CEP290: variants seen among roughly 807,000 people sequenced by gnomAD.
CEP290 encodes the protein centrosomal protein 290.
Under a neutral mutation model 344.9 loss-of-function variants are expected in CEP290, and 317 were observed. The ratio of observed to expected loss-of-function variants is 0.92; its 90% CI spans 0.84 to 1.01. CEP290 has a LOEUF of 1.01. Ranked by LOEUF, CEP290 falls within the 50% of genes least tolerant of loss-of-function variation. The pLI, the probability that CEP290 is intolerant of heterozygous loss-of-function variation, is 0.00. For missense variants in CEP290, 2,754 were observed against 2,761.4 expected (o/e 1.00, Z 0.06); for synonymous variants, 932 against 895.8 (o/e 1.04, Z -0.72).
chr12:88,118,156 A>G (rs1345180850), intron 17 of CEP290, among the ~76,000 whole-genome samples: 1 of 151,816 alleles, frequency 6.6e-6, no homozygotes, highest in East Asian at 1.9e-4. Flanking sequence ...ACTAAGTTTT[A>G]TTATTATTAA....
rs281865189 is a variant in CEP290 at position 88,049,282 on chromosome 12, GT to G, written c.7341del (p.Lys2447AsnfsTer10). 1.3e-5 allele frequency: 21 copies of G among 1,609,044 alleles called. No homozygotes were observed. Among genetic ancestry groups the G allele is most frequent in the Admixed American group, 1.7e-5 (1 of 59,826 alleles). On this transcript the variant is annotated frameshift_variant, in exon 54 of 54. Coordinates refer to ENST00000552810, the MANE Select transcript of CEP290 (RefSeq NM_025114.4). LOFTEE classifies it high-confidence loss of function. ...KNILLEEKVK[K>X]LSEQLGVELT... ...AATTCAACTCCCAATTGTTCTGAAA[GT>G]TTTTTTACCTTCTCTTCTAAGAGAA...
At chr12:88,132,396 T>C (rs1199202139) in intron 6 of CEP290, among the ~76,000 whole-genome samples, 1 of 152,190 alleles carries the variant, frequency 6.6e-6, no homozygotes, top group Non-Finnish European at 1.5e-5. Flanking sequence ...GTGGGGAGAC[T>C]GAAGGATATT....
chr12:88,106,802 A>T lies in CEP290; in HGVS notation c.2690T>A (p.Ile897Lys). Residue 897 changes from isoleucine (I) to lysine (K), a missense_variant, in exon 25 of 54, where the codon ATA becomes AAA. Transcript: ENST00000552810. ...TVLQVNEKSLIRQYTTLVELE... is the reference protein window; with the variant it reads ...TVLQVNEKSLKRQYTTLVELE... ...TTCTACTAAGGTTGTATATTGCCTT[A>T]TAAGTGATTTTTCATTCACTTGCAA... is the stretch of plus-strand genomic sequence containing the variant. 1 of 1,608,864 alleles carries T rather than the reference A, an allele frequency of 6.2e-7. No homozygotes were observed. The highest frequency in any genetic ancestry group is 8.5e-7 in the Non-Finnish European group (1 of 1,177,254).
rs758472041 is a variant in CEP290, at chr12:88,125,313, A to G, written c.1122T>C (p.Tyr374=). Residue 374 remains tyrosine, a synonymous_variant, in exon 13 of 54, where the codon TAT becomes TAC. Transcript: ENST00000552810. ...IKMLTEQVEQ[Y]TKEMEKNTCI... is the part of the protein sequence containing the mutation. ...AAGTATTCTTTTCCATTTCTTTTGT[A>G]TATTGTTCTACTTGTTCGGTGAGCA... is the stretch of plus-strand genomic sequence containing the variant. 18 of 1,271,006 alleles carry G rather than the reference A, an allele frequency of 1.4e-5. No individual in the cohort carries two copies. Among genetic ancestry groups the G allele is most frequent in the Non-Finnish European group, 1.9e-5 (18 of 961,264 alleles). 78.7% of individuals were successfully genotyped at this position (1,271,006 alleles called of 1,614,324 possible).
At chr12:88,120,889 G>C (rs767837002) in intron 14 of CEP290, 108 bp downstream of exon 14, 36 of 850,266 alleles carry the variant, frequency 4.2e-5, no homozygotes, top group Non-Finnish European at 8.9e-6. Flanking sequence ...TTTATCAAAA[G>C]ATACTTATGG....
intron 26 of CEP290, among the ~76,000 whole-genome samples, chr12:88,098,168 G>A (rs2037583539): frequency 6.6e-6 from 1 of 151,800 alleles, no homozygotes; most frequent in Non-Finnish European, 1.5e-5. Flanking sequence ...AGCCAGTCAT[G>A]ATGGCACTTG....
At chr12:88,119,504 A>C (rs1330751847) in intron 15 of CEP290, among the ~76,000 whole-genome samples, 1 of 152,190 alleles carries the variant, frequency 6.6e-6, no homozygotes, top group Admixed American at 6.5e-5. Context: ...AAAATCTTTA[A>C]AAGATTTTAA....
intron 32 of CEP290, among the ~76,000 whole-genome samples, chr12:88,087,325 T>A (rs2036656330): frequency 2.0e-5 from 3 of 152,178 alleles, no homozygotes; most frequent in Non-Finnish European, 4.4e-5. Flanking sequence ...GCTAAATAAA[T>A]ATGAATTTTT....
At chr12:88,126,173 A>G in intron 12 of CEP290, 143 bp downstream of exon 12, 1 of 553,202 alleles carries the variant, frequency 1.8e-6, no homozygotes, top group Non-Finnish European at 2.8e-6. Context: ...CAGGTGGTAG[A>G]AGAAATTTCA....
intron 5 of CEP290, among the ~76,000 whole-genome samples, chr12:88,138,862 C>T (rs1367158797): frequency 1.3e-5 from 2 of 151,952 alleles, no homozygotes; most frequent in Non-Finnish European, 2.9e-5. Flanking sequence ...TCCTCAAATC[C>T]CCACCCACCC....
At chr12:88,101,061 GA>G (rs1011695354) in intron 26 of CEP290, among the ~76,000 whole-genome samples, 17 of 152,254 alleles carry the variant, frequency 1.1e-4, no homozygotes, top group Non-Finnish European at 2.5e-4. Context: ...TGTTTAGAAT[GA>G]TCATTCTTGT....
At chr12:88,097,335 T>C (rs541673952) in intron 26 of CEP290, among the ~76,000 whole-genome samples, 1 of 151,990 alleles carries the variant, frequency 6.6e-6, no homozygotes, top group Non-Finnish European at 1.5e-5. Context: ...ATTCTCATAA[T>C]AGTAAGTTCT....
At chr12:88,094,710 T>C (rs959666256) in intron 27 of CEP290, among the ~76,000 whole-genome samples, 3 of 152,070 alleles carry the variant, frequency 2.0e-5, no homozygotes, top group Admixed American at 2.0e-4. Flanking sequence ...TTTGTAAACA[T>C]GGTCTAGAAA....
At chr12:88,121,806 C>G (rs2137934865) in intron 13 of CEP290, among the ~76,000 whole-genome samples, 1 of 152,124 alleles carries the variant, frequency 6.6e-6, no homozygotes, top group South Asian at 2.1e-4. Context: ...CACACAAATC[C>G]TGCCCTAGTT....
chr12:88,120,002 A>G, intron 15 of CEP290, 112 bp downstream of exon 15: 1 of 609,986 alleles, frequency 1.6e-6, no homozygotes, highest in Non-Finnish European at 2.6e-6. Flanking sequence ...TTATAAAAGC[A>G]TTTGAAAAAA....
At chr12:88,082,456 G>A (rs1370777935) in intron 37 of CEP290, among the ~76,000 whole-genome samples, 1 of 152,176 alleles carries the variant, frequency 6.6e-6, no homozygotes, top group Admixed American at 6.5e-5. Context: ...ACTTTGGGAG[G>A]CCGAAGTGGG....
At chr12:88,081,725 G>A (rs746782836) in intron 37 of CEP290, among the ~76,000 whole-genome samples, 3 of 151,948 alleles carry the variant, frequency 2.0e-5, no homozygotes, top group Non-Finnish European at 2.9e-5. Flanking sequence ...ATGACGTAAG[G>A]TACACAACAA....
In CEP290 at chr12:88,077,829, AT is replaced by A; in HGVS notation, c.5453del (p.Asn1818IlefsTer2). The A allele has an allele frequency of 6.6e-7, 1 of 1,515,208 alleles. No homozygotes were observed. Among genetic ancestry groups the A allele is most frequent in the Non-Finnish European group, 9.0e-7 (1 of 1,107,172 alleles). The allele number at this position is 1,515,208 out of a possible 1,614,324, so 93.9% of individuals were successfully genotyped here. On this transcript the variant is annotated frameshift_variant, in exon 40 of 54. Coordinates refer to ENST00000552810, the MANE Select transcript of CEP290 (RefSeq NM_025114.4). LOFTEE classifies it high-confidence loss of function. ...SKNRENSLTD[N>X]LNDLNNELQK... ...GCAGTTCATTATTTAAGTCATTCAA[AT>A]TATCAGTTAGTGAGTTTTCTCTGTT...
At chr12:88,070,753 C>A (rs934324811) in intron 43 of CEP290, among the ~76,000 whole-genome samples, 8 of 152,018 alleles carry the variant, frequency 5.3e-5, no homozygotes, top group Non-Finnish European at 1.0e-4. Flanking sequence ...CCTAGGGAAA[C>A]AAAGTATCAG....
Sources: allele counts gnomAD v4.1 joint callset (sites outside exome capture counted in the v4.1 genomes callset), GRCh38; gene constraint gnomAD v4.1.1; transcripts MANE v1.5; gene names NCBI Gene and HGNC (gene_info 2026-07-23, HGNC 2026-07-21).